The following OSBPL10 variants were observed in gnomAD, a reference collection of about 807,000 sequenced individuals.
OSBPL10 encodes oxysterol binding protein like 10.
A neutral mutation model predicts 81.7 loss-of-function variants in OSBPL10; 49 were observed. That is an observed-to-expected ratio of 0.60 (90% CI 0.48 to 0.76). OSBPL10 has a LOEUF of 0.76. OSBPL10 is among the 30% of genes least tolerant of loss of function. The pLI, the probability that OSBPL10 is intolerant of heterozygous loss-of-function variation, is 0.00. For synonymous variants in OSBPL10, 419 were observed against 383.6 expected, an observed-to-expected ratio of 1.09 and a Z score of -1.08; for missense variants, 923 against 987.8, an observed-to-expected ratio of 0.93 and a Z score of 0.88.
chr3:32,012,227 G>A (rs1699267024), intron 2 of OSBPL10, among the ~76,000 whole-genome samples: 1 of 152,210 alleles, frequency 6.6e-6, no homozygotes, highest in Non-Finnish European at 1.5e-5. Flanking sequence ...AAGCCCATCA[G>A]ACTAACAGCT....
chr3:31,802,343 A>G lies in OSBPL10; in HGVS notation c.729+27697T>C, dbSNP rs555092954. Reference sequence around the variant, plus strand: ...GAGGCCAAGGCGGACAGATCATCTGAGGTCAGGAGTTCAAGACCAGCCTGG... The same window carrying G: ...GAGGCCAAGGCGGACAGATCATCTGGGGTCAGGAGTTCAAGACCAGCCTGG... On this transcript the variant is annotated intron_variant, in intron 4 of 11. Transcript: ENST00000396556. 2.4e-3 allele frequency among the ~76,000 whole-genome samples: 364 copies of G among 151,098 alleles called. 1 individual carries two copies. The highest frequency in any genetic ancestry group is 8.2e-3 in the African/African-American group (337 of 41,250).
At chr3:32,065,943 A>G (rs1365450644) in intron 1 of OSBPL10, among the ~76,000 whole-genome samples, 1 of 46,922 alleles carries the variant, frequency 2.1e-5, no homozygotes, top group Non-Finnish European at 5.8e-5. Flanking sequence ...GAAAGAAGAA[A>G]GAAGAAAGAA....
chr3:31,778,242 C>T (rs1698597422), intron 4 of OSBPL10, among the ~76,000 whole-genome samples: 1 of 152,128 alleles, frequency 6.6e-6, no homozygotes, highest in African/African-American at 2.4e-5. Context: ...CTATTGCTAC[C>T]AGCTTTCCCC....
intron 5 of OSBPL10, among the ~76,000 whole-genome samples, chr3:31,739,965 T>A (rs1406731558): frequency 1.3e-5 from 2 of 152,116 alleles, no homozygotes; most frequent in Non-Finnish European, 2.9e-5. Context: ...ACTTTTGACA[T>A]CCTTTTGAAT....
At chr3:31,980,684 C>T (rs544436368) in intron 1 of OSBPL10, among the ~76,000 whole-genome samples, 56 of 152,288 alleles carry the variant, frequency 3.7e-4, no homozygotes, top group African/African-American at 1.3e-3. Context: ...CACTGCGGTG[C>T]GGTCCCGGGG....
intron 4 of OSBPL10, among the ~76,000 whole-genome samples, chr3:31,811,397 G>T (rs188397226): frequency 9.2e-5 from 14 of 152,222 alleles, no homozygotes; most frequent in Non-Finnish European, 1.5e-5. Flanking sequence ...CCCCATGTGC[G>T]GCGCAGGGAG....
At chr3:31,858,648 C>G (rs985311074) in intron 3 of OSBPL10, among the ~76,000 whole-genome samples, 1 of 152,184 alleles carries the variant, frequency 6.6e-6, no homozygotes, top group African/African-American at 2.4e-5. Flanking sequence ...AGTTCTGAAC[C>G]GGGTACTGCC....
intron 1 of OSBPL10, among the ~76,000 whole-genome samples, chr3:31,913,424 A>G (rs1474370980): frequency 6.6e-6 from 1 of 151,724 alleles, no homozygotes; most frequent in Admixed American, 6.6e-5. Context: ...AATTTTTTGT[A>G]TTTTTAGTAG....
At chr3:31,938,850 C>T (rs548607836) in intron 1 of OSBPL10, among the ~76,000 whole-genome samples, 1 of 152,258 alleles carries the variant, frequency 6.6e-6, no homozygotes, top group South Asian at 2.1e-4. Flanking sequence ...ACCATCAACC[C>T]TTCCTCTAAC....
At chr3:31,737,078 T>C (rs1469897686) in intron 5 of OSBPL10, among the ~76,000 whole-genome samples, 3 of 152,294 alleles carry the variant, frequency 2.0e-5, no homozygotes, top group South Asian at 2.1e-4. Flanking sequence ...AGTGGTAGGC[T>C]GTATCTTGGG....
intron 4 of OSBPL10, among the ~76,000 whole-genome samples, chr3:31,810,062 G>A (rs1699639579): frequency 6.6e-6 from 1 of 151,730 alleles, no homozygotes; most frequent in Non-Finnish European, 1.5e-5. Flanking sequence ...ATAGAGACAG[G>A]GTCTCTCCAT....
At chr3:31,890,651 T>A (rs886182393) in intron 1 of OSBPL10, among the ~76,000 whole-genome samples, 2 of 152,168 alleles carry the variant, frequency 1.3e-5, no homozygotes, top group Non-Finnish European at 2.9e-5. Context: ...AGACTCGATC[T>A]GCTTTTAAAG....
chr3:31,980,893 C>A lies in OSBPL10; in HGVS notation c.281+6G>T. The A allele has an allele frequency of 1.3e-6, 2 of 1,562,346 alleles. No homozygotes were observed. Among genetic ancestry groups the A allele is most frequent in the African/African-American group, 1.4e-5 (1 of 71,356 alleles). On this transcript the variant is annotated splice_donor_region_variant and intron_variant, in intron 1 of 11. Transcript: ENST00000396556. ...CGCGCGGTGGCGCGGGCGGCTGGCG[C>A]GTTACCTGTTCTGCCAGCCCTGGAG...
intron 1 of OSBPL10, among the ~76,000 whole-genome samples, chr3:32,061,636 A>C (rs1331378278): frequency 1.1e-5 from 1 of 91,932 alleles, no homozygotes; most frequent in East Asian, 2.5e-4. Flanking sequence ...AAAGAGGATC[A>C]ATCCTTTTTT....
At chr3:32,074,269 C>G (rs1022613172) in intron 1 of OSBPL10, among the ~76,000 whole-genome samples, 2 of 152,124 alleles carry the variant, frequency 1.3e-5, no homozygotes, top group Non-Finnish European at 2.9e-5. Context: ...CATCTACTTA[C>G]GGCACCTTTC....
intron 4 of OSBPL10, among the ~76,000 whole-genome samples, chr3:31,752,665 A>G (rs1018158829): frequency 6.6e-6 from 1 of 152,238 alleles, no homozygotes; most frequent in African/African-American, 2.4e-5. Flanking sequence ...ATCAAAAACC[A>G]ATGATATCTA....
chr3:31,706,977 C>T lies in OSBPL10; in HGVS notation c.1096-4469G>A, dbSNP rs1696089443. ...ACCCCACCCTTCCTGCTTTAGTGAA[C>T]TGCCTTCTCTCTTAACCTAGACCTG... On this transcript the variant is annotated intron_variant, in intron 6 of 11. Transcript: ENST00000396556. Among the ~76,000 whole-genome samples, 3 of 140,654 alleles carry T rather than the reference C, an allele frequency of 2.1e-5. No homozygotes were observed. In the South Asian group the frequency reaches 8.0e-4, roughly 37 times the overall value. The allele number at this position is 140,654 out of a possible 152,430, so 92.3% of individuals were successfully genotyped here. A position where few individuals can be genotyped will look rare whatever the true frequency, so the allele number is the denominator to read the frequency against.
chr3:32,041,235 C>T (rs1699572238), intron 2 of OSBPL10, among the ~76,000 whole-genome samples: 1 of 152,174 alleles, frequency 6.6e-6, no homozygotes, highest in South Asian at 2.1e-4. Context: ...AGATTAAGTT[C>T]CCACGCCCTG....
intron 3 of OSBPL10, among the ~76,000 whole-genome samples, chr3:31,864,712 G>A (rs1701134930): frequency 6.6e-6 from 1 of 152,150 alleles, no homozygotes; most frequent in South Asian, 2.1e-4. Flanking sequence ...GGTAGAGATA[G>A]AGGGGAAGGA....
Sources: gnomAD v4.1 joint callset for allele counts (sites outside exome capture counted in the v4.1 genomes callset) on GRCh38, gnomAD v4.1.1 for gene constraint, MANE v1.5 for transcripts, NCBI Gene and HGNC (gene_info 2026-07-23, HGNC 2026-07-21) for gene names.